Variants in VPS35L observed in about 807,000 individuals in gnomAD.
VPS35L encodes VPS35 endosomal protein sorting factor like.
Under a neutral mutation model 133.0 loss-of-function variants are expected in VPS35L, and 83 were observed. The observed-to-expected ratio is 0.62, with a 90% CI of 0.52 to 0.75. The LOEUF is 0.75. VPS35L is among the 30% of genes least tolerant of loss of function. VPS35L has a pLI of 0.00. For synonymous variants in VPS35L, 423 were observed against 449.9 expected (o/e 0.94, Z 0.76); for missense variants, 1,083 against 1,206.8 (o/e 0.90, Z 1.52).
intron 3 of VPS35L, among the ~76,000 whole-genome samples, chr16:19,570,607 G>A (rs370386166): frequency 1.3e-5 from 2 of 151,556 alleles, no homozygotes; most frequent in East Asian, 1.9e-4. Flanking sequence ...ATTCCCATAC[G>A]TACTCATATA....
Position 19,633,728 on chromosome 16 carries a change from TTTTTTG to T in VPS35L, c.1635+573_1635+578del, listed in dbSNP as rs927352938. Among the ~76,000 whole-genome samples the T allele has an allele frequency of 7.9e-5, 12 of 152,048 alleles. No homozygotes were observed. Among genetic ancestry groups the T allele is most frequent in the Non-Finnish European group, 1.3e-4 (9 of 68,012 alleles). ...ATTTACTAGCTGTTAACATTTGTTT[TTTTTTG>T]TTTTTGTTTTTGTTTTGTTTTGAGA... is the stretch of plus-strand genomic sequence containing the variant. On this transcript the variant is annotated intron_variant, in intron 19 of 30. Transcript: ENST00000417362. This position sits in a 1 kb window ranked among gnomAD's most constrained non-coding sequence, Gnocchi z 4.1.
chr16:19,658,252 G>A (rs942365528), intron 26 of VPS35L, among the ~76,000 whole-genome samples: 1 of 152,176 alleles, frequency 6.6e-6, no homozygotes, highest in Non-Finnish European at 1.5e-5. Context: ...AGGCTGGGCT[G>A]GGCGCGGTGG....
intron 26 of VPS35L, among the ~76,000 whole-genome samples, chr16:19,657,526 CA>C (rs1192289365): frequency 3.3e-5 from 5 of 152,142 alleles, no homozygotes; most frequent in African/African-American, 1.2e-4. Flanking sequence ...TGTTATTTAA[CA>C]AGTAAATATG....
chr16:19,594,078 C>T (rs1972127038), intron 8 of VPS35L, among the ~76,000 whole-genome samples: 1 of 152,182 alleles, frequency 6.6e-6, no homozygotes, highest in Non-Finnish European at 1.5e-5. Context: ...GTTTCAGAAT[C>T]CCATCTTATT....
chr16:19,688,718 T>C (rs1975555859), intron 28 of VPS35L, among the ~76,000 whole-genome samples: 1 of 152,194 alleles, frequency 6.6e-6, no homozygotes, highest in Admixed American at 6.5e-5. Context: ...TCACAGCCGG[T>C]TATGCTCGGC....
intron 2 of VPS35L, among the ~76,000 whole-genome samples, chr16:19,567,632 G>T (rs1475492978): frequency 6.6e-6 from 1 of 152,014 alleles, no homozygotes; most frequent in African/African-American, 2.4e-5. Flanking sequence ...GCCATCGCCG[G>T]CAGTTGGCAT....
intron 18 of VPS35L, among the ~76,000 whole-genome samples, chr16:19,631,662 G>A (rs9922571): frequency 0.4 from 60,776 of 152,034 alleles, 12,819 homozygotes; most frequent in African/African-American, 0.52. Context: ...ACATTGTATC[G>A]TTTCATCTGT....
At position 19,645,415 on chromosome 16, in the gene VPS35L, G is replaced by A. The variant is rs184289419; in HGVS notation, c.1929+466G>A. Among the ~76,000 whole-genome samples the A allele has an allele frequency of 3.5e-3, 530 of 151,336 alleles. 4 individuals carry two copies. The highest frequency in any genetic ancestry group is 0.013 in the African/African-American group (519 of 41,268). On this transcript the variant is annotated intron_variant, in intron 23 of 30. Coordinates refer to ENST00000417362, the MANE Select transcript of VPS35L (RefSeq NM_020314.7). The stretch of plus-strand genomic sequence containing the variant: ...CGCCATTCTCCTGCCTCAGCCTCCC[G>A]AGTAGCTGGGACTACAGGCGCCCGG...
intron 16 of VPS35L, 107 bp from the exon 17 acceptor site, chr16:19,628,530 C>T: frequency 1.7e-6 from 1 of 580,850 alleles, no homozygotes. Flanking sequence ...GGAAGATTAG[C>T]CCCAAGAAGG....
intron 12 of VPS35L, among the ~76,000 whole-genome samples, chr16:19,611,112 GTC>G (rs1376556377): frequency 6.6e-6 from 1 of 152,124 alleles, no homozygotes; most frequent in Non-Finnish European, 1.5e-5. Flanking sequence ...TGATTCTCCT[GTC>G]TCAGCCTCCT....
chr16:19,573,622 C>T (rs148176265), intron 4 of VPS35L, among the ~76,000 whole-genome samples: 2,723 of 152,112 alleles, frequency 0.018, 93 homozygotes, highest in African/African-American at 0.063. Flanking sequence ...AGTTCGAGAC[C>T]AGCCTGGCCA....
chr16:19,612,850 AAC>A (rs1180519215), intron 12 of VPS35L, among the ~76,000 whole-genome samples: 3 of 152,338 alleles, frequency 2.0e-5, no homozygotes, highest in African/African-American at 7.2e-5. Flanking sequence ...TGCAACTTGA[AAC>A]ACAGTGACAA....
chr16:19,649,668 G>A (rs572096700), intron 24 of VPS35L, among the ~76,000 whole-genome samples: 45 of 152,360 alleles, frequency 3.0e-4, no homozygotes, highest in African/African-American at 8.4e-4. Context: ...ATGGTGCACC[G>A]TTTGGGAACC....
At chr16:19,678,743 G>A (rs1449093714) in intron 27 of VPS35L, among the ~76,000 whole-genome samples, 1 of 151,798 alleles carries the variant, frequency 6.6e-6, no homozygotes, top group Non-Finnish European at 1.5e-5. Flanking sequence ...CTCCCAAGGT[G>A]CTGAGATTAC....
In VPS35L at chr16:19,596,889, C is replaced by T. The variant is rs190281398; in HGVS notation, c.725-4775C>T. 1.4e-3 allele frequency among the ~76,000 whole-genome samples: 220 copies of T among 151,980 alleles called. 1 individual carries two copies. Among genetic ancestry groups the T allele is most frequent in the Non-Finnish European group, 1.9e-3 (130 of 67,974 alleles). On this transcript the variant is annotated intron_variant, in intron 8 of 30. Transcript: ENST00000417362. Reference sequence around the variant, plus strand: ...CAAAAATTAGCTGTGCGAGGTGGTACGCGCCTGTAATCCCAGCTACTCGGG... The same window carrying T: ...CAAAAATTAGCTGTGCGAGGTGGTATGCGCCTGTAATCCCAGCTACTCGGG...
intron 27 of VPS35L, among the ~76,000 whole-genome samples, chr16:19,672,117 T>TG (rs1288394994): frequency 3.3e-5 from 5 of 151,680 alleles, no homozygotes; most frequent in African/African-American, 1.2e-4. Flanking sequence ...GCCTGGCTAA[T>TG]TTTTTTTTAA....
intron 22 of VPS35L, among the ~76,000 whole-genome samples, chr16:19,642,980 G>A (rs1486487009): frequency 6.6e-6 from 1 of 152,120 alleles, no homozygotes; most frequent in African/African-American, 2.4e-5. Context: ...TGTGCTTAGG[G>A]CAATTCCTGC....
At chr16:19,585,442 A>C (rs1450729415) in intron 7 of VPS35L, among the ~76,000 whole-genome samples, 1 of 141,690 alleles carries the variant, frequency 7.1e-6, no homozygotes, top group Non-Finnish European at 1.5e-5. Flanking sequence ...GGTCTCTGTC[A>C]CCCAGGCTGG....
chr16:19,609,963 G>A (rs1221324961), intron 11 of VPS35L, among the ~76,000 whole-genome samples: 2 of 152,106 alleles, frequency 1.3e-5, no homozygotes, highest in African/African-American at 4.8e-5. Flanking sequence ...TGTGGCAAAC[G>A]AAAATACATG....
Sources: allele counts gnomAD v4.1 joint callset (sites outside exome capture counted in the v4.1 genomes callset), GRCh38; gene constraint gnomAD v4.1.1; non-coding constraint Gnocchi (gnomAD v3.1); transcripts MANE v1.5; gene names NCBI Gene and HGNC (gene_info 2026-07-23, HGNC 2026-07-21).